Variants in ROR2 observed in about 807,000 individuals in gnomAD.
ROR2 encodes the protein ROR family WNT receptor 2.
Under a neutral mutation model 74.9 loss-of-function variants are expected in ROR2, and 33 were observed. That is an observed-to-expected ratio of 0.44 (90% CI 0.33 to 0.59). The LOEUF is 0.59. ROR2 is among the 20% of genes least tolerant of loss of function. The probability of loss-of-function intolerance (pLI) is 0.02; values close to 1 mark genes in which losing one functional copy is unlikely to be tolerated. For synonymous variants in ROR2, 586 were observed against 558.7 expected, an observed-to-expected ratio of 1.05 and a Z score of -0.69; for missense variants, 1,216 against 1,313.8, an observed-to-expected ratio of 0.93 and a Z score of 1.15.
intron 1 of ROR2, among the ~76,000 whole-genome samples, chr9:91,884,742 T>A (rs10761135): frequency 1.3e-5 from 2 of 151,794 alleles, no homozygotes; most frequent in African/African-American, 4.8e-5. Flanking sequence ...GACCATAACA[T>A]GTCTCCATTT....
chr9:91,934,286 G>A (rs1831625597), intron 1 of ROR2, among the ~76,000 whole-genome samples: 2 of 152,216 alleles, frequency 1.3e-5, no homozygotes, highest in Non-Finnish European at 1.5e-5. Context: ...AAGCAGTCCA[G>A]TGAAAACTTA....
intron 1 of ROR2, among the ~76,000 whole-genome samples, chr9:91,829,893 T>A (rs1165684530): frequency 6.6e-6 from 1 of 152,260 alleles, no homozygotes; most frequent in Non-Finnish European, 1.5e-5. Flanking sequence ...TCAACAGATG[T>A]GCAGCCCAGC....
At position 91,904,050 on chromosome 9, in the gene ROR2, T is replaced by C. The variant is rs548904559; in HGVS notation, c.97+45817A>G. Reference sequence around the variant, plus strand: ...TTTTTGTTTTTGTTTTTGTTTTTTTTTGGGGGGGGGGACAGAGTCTCGCTC... The same window carrying C: ...TTTTTGTTTTTGTTTTTGTTTTTTTCTGGGGGGGGGGACAGAGTCTCGCTC... On this transcript the variant is annotated intron_variant, in intron 1 of 8. Transcript: ENST00000375708. Among the ~76,000 whole-genome samples the C allele has an allele frequency of 2.0e-5, 3 of 146,908 alleles. No homozygotes were observed. The South Asian group carries it at 6.4e-4, about 31-fold the overall frequency.
intron 4 of ROR2, among the ~76,000 whole-genome samples, chr9:91,755,399 G>A (rs1180173725): frequency 1.3e-5 from 2 of 152,348 alleles, no homozygotes; most frequent in Admixed American, 1.3e-4. Context: ...AGGAAATGCA[G>A]GAAACCCGGA....
intron 1 of ROR2, among the ~76,000 whole-genome samples, chr9:91,897,361 A>C (rs1222789900): frequency 6.6e-6 from 1 of 152,258 alleles, no homozygotes; most frequent in Non-Finnish European, 1.5e-5. Flanking sequence ...TACAGAGGAA[A>C]GAAGGTGATC....
intron 7 of ROR2, among the ~76,000 whole-genome samples, chr9:91,730,336 G>A (rs971554532): frequency 2.6e-5 from 4 of 152,176 alleles, no homozygotes; most frequent in Admixed American, 2.0e-4. Context: ...GGGCCAAAAC[G>A]CAAACAAGTC....
chr9:91,725,161 GAAGCTGCAGA>G (rs1329957976), intron 8 of ROR2, 54 bp from the exon 9 acceptor site: 1 of 1,607,414 alleles, frequency 6.2e-7, no homozygotes, highest in Non-Finnish European at 8.5e-7. Flanking sequence ...AGCCCTGGAG[GAAGCTGCAGA>G]GCAGCCGGGA....
At chr9:91,747,151 C>A (rs970824114) in intron 4 of ROR2, among the ~76,000 whole-genome samples, 1 of 152,234 alleles carries the variant, frequency 6.6e-6, no homozygotes. Flanking sequence ...ACCAACACTG[C>A]CGCTGAGTCA....
chr9:91,736,144 A>G (rs981322175), intron 5 of ROR2, among the ~76,000 whole-genome samples: 1 of 152,184 alleles, frequency 6.6e-6, no homozygotes, highest in African/African-American at 2.4e-5. Flanking sequence ...AGAGGTAGCC[A>G]TATTTTCAAA....
intron 1 of ROR2, among the ~76,000 whole-genome samples, chr9:91,854,248 G>A (rs950501653): frequency 6.6e-6 from 1 of 152,184 alleles, no homozygotes; most frequent in African/African-American, 2.4e-5. Flanking sequence ...GCACCCGACT[G>A]TACCTTGCCT....
At chr9:91,727,489 G>A (rs1837083083) in intron 7 of ROR2, among the ~76,000 whole-genome samples, 1 of 151,978 alleles carries the variant, frequency 6.6e-6, no homozygotes. Flanking sequence ...ACACCAGGCA[G>A]GCTGAGGTGA....
chr9:91,858,634 T>C (rs138710905), intron 1 of ROR2, among the ~76,000 whole-genome samples: 1 of 151,982 alleles, frequency 6.6e-6, no homozygotes, highest in East Asian at 1.9e-4. Flanking sequence ...AAGTAATGAG[T>C]TGAAAAACAA....
intron 4 of ROR2, among the ~76,000 whole-genome samples, chr9:91,755,244 T>C (rs1825710432): frequency 6.6e-6 from 1 of 152,196 alleles, no homozygotes; most frequent in Admixed American, 6.5e-5. Flanking sequence ...CAACGTGGTG[T>C]TGCAGCACAT....
chr9:91,832,756 A>G (rs116075870), intron 1 of ROR2, among the ~76,000 whole-genome samples: 76 of 152,280 alleles, frequency 5.0e-4, no homozygotes, highest in African/African-American at 1.8e-3. Context: ...TTTCATATAT[A>G]TCTCCTACGA....
chr9:91,928,131 G>C (rs539116673), intron 1 of ROR2, among the ~76,000 whole-genome samples: 1 of 151,902 alleles, frequency 6.6e-6, no homozygotes, highest in Non-Finnish European at 1.5e-5. Flanking sequence ...ACATTCACAC[G>C]CCAAGCCAAC....
In ROR2 at chr9:91,806,810, C is replaced by T. The variant is rs1195465602; in HGVS notation, c.98-30992G>A. On this transcript the variant is annotated intron_variant, in intron 1 of 8. Coordinates refer to ENST00000375708, the MANE Select transcript of ROR2 (RefSeq NM_004560.4). ...TTCACCGTGTTAGCCAGGATGGTCT[C>T]GATCTCCTGACCTTGTGATCCGCCC... is the stretch of plus-strand genomic sequence containing the variant. Among the ~76,000 whole-genome samples the T allele has an allele frequency of 5.3e-5, 8 of 152,134 alleles. No homozygotes were observed. In the East Asian group the frequency reaches 7.7e-4, roughly 15 times the overall value.
chr9:91,936,470 T>G (rs952596009), intron 1 of ROR2, among the ~76,000 whole-genome samples: 22 of 152,336 alleles, frequency 1.4e-4, no homozygotes, highest in African/African-American at 5.3e-4. Context: ...CCAGTCACAT[T>G]GGATTATAGC....
At chr9:91,944,283 T>A (rs1831953644) in intron 1 of ROR2, among the ~76,000 whole-genome samples, 1 of 152,234 alleles carries the variant, frequency 6.6e-6, no homozygotes, top group Non-Finnish European at 1.5e-5. Context: ...ACAGTAGTGT[T>A]ATCTTATGGG....
chr9:91,796,089 T>TC (rs1827156094), intron 1 of ROR2, among the ~76,000 whole-genome samples: 1 of 152,112 alleles, frequency 6.6e-6, no homozygotes, highest in South Asian at 2.1e-4. Context: ...GGCCTGGGCA[T>TC]CGGTGCAGGG....
Sources: allele counts gnomAD v4.1 joint callset (sites outside exome capture counted in the v4.1 genomes callset), GRCh38; gene constraint gnomAD v4.1.1; transcripts MANE v1.5; gene names NCBI Gene and HGNC (gene_info 2026-07-23, HGNC 2026-07-21).